The following HERC4 variants were observed in gnomAD, a reference collection of about 807,000 sequenced individuals.
The protein encoded by HERC4 is probable E3 ubiquitin-protein ligase HERC4.
In HERC4, 28 loss-of-function variants were observed where a neutral mutation model predicts 124.3. The ratio of observed to expected loss-of-function variants is 0.23; its 90% CI spans 0.17 to 0.31. The LOEUF (loss-of-function observed/expected upper bound fraction) is 0.31. Ranked by LOEUF, HERC4 falls within the 10% of genes least tolerant of loss-of-function variation. The pLI, the probability that HERC4 is intolerant of heterozygous loss-of-function variation, is 1.00. For synonymous variants in HERC4, 407 were observed against 421.5 expected (o/e 0.97, Z 0.42); for missense variants, 713 against 1,229.3 (o/e 0.58, Z 6.28).
At chr10:68,005,586 T>C (rs912912974) in intron 9 of HERC4, among the ~76,000 whole-genome samples, 23 of 152,166 alleles carry the variant, frequency 1.5e-4, no homozygotes, top group African/African-American at 4.8e-4. Flanking sequence ...TTTGCTTTCT[T>C]GTTTTATGGT....
At chr10:67,988,392 T>C (rs2036376857) in intron 15 of HERC4, among the ~76,000 whole-genome samples, 2 of 152,034 alleles carry the variant, frequency 1.3e-5, no homozygotes, top group Non-Finnish European at 2.9e-5. Context: ...TAAGGAAATA[T>C]AAGGAGAATT....
At chr10:67,940,703 C>T (rs540666983) in intron 20 of HERC4, among the ~76,000 whole-genome samples, 1 of 152,260 alleles carries the variant, frequency 6.6e-6, no homozygotes, top group South Asian at 2.1e-4. Context: ...CCTCGGTCTC[C>T]CAAAATGCTA....
chr10:67,935,036 T>C (rs1207447245), intron 22 of HERC4, among the ~76,000 whole-genome samples: 1 of 152,044 alleles, frequency 6.6e-6, no homozygotes, highest in Non-Finnish European at 1.5e-5. Flanking sequence ...CTGATTTCGG[T>C]TTCCTCTGAA....
chr10:67,996,142 CA>C (rs766378575), intron 9 of HERC4: 37 of 449,330 alleles, frequency 8.2e-5, no homozygotes, highest in African/African-American at 8.1e-5. Context: ...CTCGCCTCTA[CA>C]AAAAAAATTA....
chr10:67,952,222 C>T (rs963435912), intron 19 of HERC4, among the ~76,000 whole-genome samples: 10 of 152,186 alleles, frequency 6.6e-5, no homozygotes, highest in Admixed American at 5.9e-4. Flanking sequence ...TTCTGTGTTA[C>T]ATTCACTTGT....
chr10:68,044,764 A>G (rs747694163), intron 3 of HERC4, among the ~76,000 whole-genome samples: 1 of 152,206 alleles, frequency 6.6e-6, no homozygotes, highest in Non-Finnish European at 1.5e-5. Context: ...CGTAATTCTC[A>G]TTGTGGTAAA....
chr10:68,069,251 G>A (rs528650689), intron 3 of HERC4: 63 of 950,308 alleles, frequency 6.6e-5, no homozygotes, highest in African/African-American at 4.2e-4. Flanking sequence ...TTGGTCTAGC[G>A]CACTGAAGAT....
intron 19 of HERC4, among the ~76,000 whole-genome samples, chr10:67,951,458 G>A (rs1436579399): frequency 6.6e-6 from 1 of 152,156 alleles, no homozygotes; most frequent in Admixed American, 6.5e-5. Flanking sequence ...ATGCCCTCAA[G>A]TCTGACACAA....
intron 6 of HERC4, 87 bp from the exon 7 acceptor site, chr10:68,032,956 T>G (rs1189848540): frequency 1.4e-6 from 1 of 719,552 alleles, no homozygotes; most frequent in African/African-American, 1.8e-5. Context: ...CCAAGCTCAG[T>G]AGATAGTTGT....
chr10:67,983,992 G>A (rs2036105063), intron 15 of HERC4, among the ~76,000 whole-genome samples: 1 of 151,690 alleles, frequency 6.6e-6, no homozygotes, highest in African/African-American at 2.4e-5. Flanking sequence ...AGAAAATGTG[G>A]TATTTATACA....
At chr10:67,974,791 AC>A (rs2035482503) in intron 15 of HERC4, among the ~76,000 whole-genome samples, 2 of 152,300 alleles carry the variant, frequency 1.3e-5, no homozygotes, top group South Asian at 4.1e-4. Context: ...TAACACCATT[AC>A]CCTGCCTCAT....
Position 68,008,339 on chromosome 10 carries a change from C to T in HERC4, c.1069+5687G>A, listed in dbSNP as rs910038027. Among the ~76,000 whole-genome samples, 8 of 152,212 alleles carry T rather than the reference C, an allele frequency of 5.3e-5. No individual in the cohort carries two copies. The East Asian group carries it at 5.8e-4, about 11-fold the overall frequency. ...ATTCAAAGCCCAAGGGCTCTTTAGT[C>T]AGCAAGTGATAAATCCTGTCAGGCC... On this transcript the variant is annotated intron_variant, in intron 9 of 24. Transcript: ENST00000373700.
At chr10:67,923,488 A>G (rs548894111) in intron 24 of HERC4, among the ~76,000 whole-genome samples, 1 of 152,226 alleles carries the variant, frequency 6.6e-6, no homozygotes, top group East Asian at 1.9e-4. Flanking sequence ...TTTGATTATG[A>G]TTTCTTTTTC....
chr10:68,062,836 T>C (rs1159266874), intron 3 of HERC4, among the ~76,000 whole-genome samples: 5 of 152,166 alleles, frequency 3.3e-5, no homozygotes, highest in Non-Finnish European at 5.9e-5. Context: ...TCTCTCCCTT[T>C]CAACCTTTCC....
chr10:68,038,864 C>A (rs369738433), intron 4 of HERC4, among the ~76,000 whole-genome samples: 1 of 152,086 alleles, frequency 6.6e-6, no homozygotes, highest in Non-Finnish European at 1.5e-5. Flanking sequence ...TTTACCACAA[C>A]GCAACTTTAA....
intron 21 of HERC4, among the ~76,000 whole-genome samples, chr10:67,937,119 G>C (rs147712732): frequency 2.2e-4 from 33 of 152,140 alleles, no homozygotes; most frequent in Admixed American, 2.2e-3. Flanking sequence ...AAGAGAGTGA[G>C]ATTTCAGACA....
chr10:67,960,064 G>A (rs903801471), intron 16 of HERC4, among the ~76,000 whole-genome samples: 1 of 152,238 alleles, frequency 6.6e-6, no homozygotes, highest in Non-Finnish European at 1.5e-5. Flanking sequence ...ACTGGACAAT[G>A]TGACTTATGA....
At chr10:67,964,882 C>T (rs576362058) in intron 16 of HERC4, 1 of 152,340 alleles carries the variant, frequency 6.6e-6, no homozygotes, top group African/African-American at 2.4e-5. Flanking sequence ...AAGCAATTCT[C>T]CTGCCTCAGC....
chr10:67,995,317 A>G (rs1457159165), intron 9 of HERC4: 4 of 452,876 alleles, frequency 8.8e-6, no homozygotes, highest in Non-Finnish European at 1.3e-5. Context: ...ATTAAGTGTT[A>G]GCATTACTTC....
Sources: allele counts gnomAD v4.1 joint callset (sites outside exome capture counted in the v4.1 genomes callset), GRCh38; gene constraint gnomAD v4.1.1; transcripts MANE v1.5; gene names NCBI Gene and HGNC (gene_info 2026-07-23, HGNC 2026-07-21).